AP1G1: variants seen among roughly 807,000 people sequenced by gnomAD.
AP1G1 encodes the protein adaptor related protein complex 1 subunit gamma 1.
AP1G1 carries 7 observed loss-of-function variants against 108.3 expected under a neutral mutation model. The ratio of observed to expected loss-of-function variants is 0.06; its 90% CI spans 0.04 to 0.12. The LOEUF is 0.12. Among genes scored for constraint, AP1G1 ranks in the 10% least tolerant of loss-of-function variants. AP1G1 has a pLI of 1.00. For missense variants in AP1G1, 756 were observed against 1,010.7 expected (o/e 0.75, Z 3.42); for synonymous variants, 379 against 353.5 (o/e 1.07, Z -0.81).
In AP1G1 at chr16:71,807,032, T is replaced by C. The variant is rs377461480; in HGVS notation, c.-4+1731A>G. On this transcript the variant is annotated intron_variant, in intron 1 of 22. Transcript: ENST00000299980. ...GACTGTGATCTCAAATAAGTTAATTTCTCTTTTGCAGATGTGAAAACCCAG... is the reference window on the plus strand; with the variant it reads ...GACTGTGATCTCAAATAAGTTAATTCCTCTTTTGCAGATGTGAAAACCCAG... 1.5e-4 allele frequency among the ~76,000 whole-genome samples: 23 copies of C among 152,324 alleles called. No individual in the cohort carries two copies. The East Asian group carries it at 1.7e-3, about 11-fold the overall frequency.
At chr16:71,769,573 A>G (rs777908126) in intron 6 of AP1G1, 50 bp downstream of exon 6, 1 of 1,512,768 alleles carries the variant, frequency 6.6e-7, no homozygotes, top group East Asian at 2.3e-5. Context: ...ACTTTTCAGG[A>G]AAATCATTTT....
chr16:71,808,797 G>C lies in AP1G1; in HGVS notation c.-38C>G. On this transcript the variant is annotated 5_prime_UTR_variant, in exon 1 of 23. Transcript: ENST00000299980. ...ACCTCGAATGAAACCAGCAGCTCCG[G>C]GGGCGGCGGCAGCAGTGGCAGCAGG... is the stretch of plus-strand genomic sequence containing the variant. 7.8e-7 allele frequency: 1 copy of C among 1,289,762 alleles called. No homozygotes were observed. Among genetic ancestry groups the C allele is most frequent in the African/African-American group, 1.5e-5 (1 of 66,002 alleles). 79.9% of individuals were successfully genotyped at this position (1,289,762 alleles called of 1,614,324 possible).
intron 2 of AP1G1, among the ~76,000 whole-genome samples, chr16:71,779,925 T>C (rs1382461328): frequency 6.6e-6 from 1 of 151,484 alleles, no homozygotes; most frequent in African/African-American, 2.4e-5. Flanking sequence ...TCGAGACAAG[T>C]CCAGGCAACC....
At chr16:71,788,511 T>G (rs964390049) in intron 2 of AP1G1, among the ~76,000 whole-genome samples, 2 of 152,122 alleles carry the variant, frequency 1.3e-5, no homozygotes, top group African/African-American at 4.8e-5. Flanking sequence ...TCTGCTCTAG[T>G]TACAGCAATC....
In AP1G1 at chr16:71,760,579, G is replaced by C. The variant is rs73582247; in HGVS notation, c.974+933C>G. ...AAAAAAAAAGAAACAGGGTCTCTCT[G>C]TGTCACCTAGACTGGAATGCAGTGG... On this transcript the variant is annotated intron_variant, in intron 10 of 22. Coordinates refer to ENST00000299980, the MANE Select transcript of AP1G1 (RefSeq NM_001128.6). Among the ~76,000 whole-genome samples the C allele has an allele frequency of 2.4e-3, 364 of 150,602 alleles. 2 individuals are homozygous for C. The highest frequency in any genetic ancestry group is 7.9e-3 in the African/African-American group (325 of 41,044).
intron 1 of AP1G1, chr16:71,807,989 A>C: frequency 8.2e-7 from 1 of 1,224,682 alleles, no homozygotes; most frequent in East Asian, 5.7e-5. Flanking sequence ...CTGCTTCATA[A>C]ACATAATCTG....
chr16:71,773,075 G>A (rs780991813), intron 4 of AP1G1, 146 bp downstream of exon 4: 1 of 867,772 alleles, frequency 1.2e-6, no homozygotes, highest in Non-Finnish European at 1.9e-6. Context: ...AGGAATTAAG[G>A]TTAATATATA....
intron 1 of AP1G1, chr16:71,808,223 CG>C (rs2033065388): frequency 9.2e-7 from 1 of 1,092,352 alleles, no homozygotes; most frequent in Non-Finnish European, 1.1e-6. Context: ...CACACACACA[CG>C]AAAAATTGGG....
Position 71,789,203 on chromosome 16 carries a change from C to A in AP1G1, c.201+76G>T, listed in dbSNP as rs1456658702. The A allele has an allele frequency of 2.2e-6, 3 of 1,386,672 alleles. No individual in the cohort carries two copies. In the South Asian group the frequency reaches 3.7e-5, roughly 17 times the overall value. 85.9% of individuals were successfully genotyped at this position (1,386,672 alleles called of 1,614,324 possible). ...CAAGGCTATCAAAAGTACCTCCCCA[C>A]CAGAAAAAGATGGACAATCCCTGAG... On this transcript the variant is annotated intron_variant, in intron 2 of 22. Transcript: ENST00000299980.
At chr16:71,735,180 A>G (rs2045517906) in intron 21 of AP1G1, among the ~76,000 whole-genome samples, 1 of 152,252 alleles carries the variant, frequency 6.6e-6, no homozygotes. Context: ...GATAACTGGG[A>G]TGCAGAGACT....
intron 19 of AP1G1, chr16:71,743,532 G>C (rs752708994): frequency 8.7e-5 from 13 of 150,168 alleles, no homozygotes; most frequent in Admixed American, 8.6e-4. Context: ...GAACGCAGGA[G>C]GCAGAGGTTG....
chr16:71,801,210 G>A (rs1001657014), intron 1 of AP1G1, among the ~76,000 whole-genome samples: 4 of 152,026 alleles, frequency 2.6e-5, no homozygotes, highest in African/African-American at 7.2e-5. Context: ...TGAAGTCTGA[G>A]GCAGGAGAAT....
chr16:71,761,236 A>G (rs1391894353), intron 10 of AP1G1, among the ~76,000 whole-genome samples: 1 of 152,230 alleles, frequency 6.6e-6, no homozygotes, highest in Non-Finnish European at 1.5e-5. Flanking sequence ...TAGTTACCAA[A>G]GACTCCATGG....
Position 71,762,947 on chromosome 16 carries a change from A to T in AP1G1, c.919-1380T>A, listed in dbSNP as rs571417601. ...CAGTCTTCTGGGACTGAGCCCTCAA[A>T]CTGTGGGATGTGACACCTTATCTCC... On this transcript the variant is annotated intron_variant, in intron 9 of 22. Coordinates refer to ENST00000299980, the MANE Select transcript of AP1G1 (RefSeq NM_001128.6). 2.0e-5 allele frequency among the ~76,000 whole-genome samples: 3 copies of T among 152,296 alleles called. No homozygotes were observed. In the East Asian group the frequency reaches 5.8e-4, roughly 29 times the overall value.
chr16:71,772,241 C>T (rs1433994992), intron 4 of AP1G1, among the ~76,000 whole-genome samples: 1 of 152,110 alleles, frequency 6.6e-6, no homozygotes, highest in Non-Finnish European at 1.5e-5. Flanking sequence ...CATCATTCTC[C>T]TGCCTCAGCC....
intron 1 of AP1G1, among the ~76,000 whole-genome samples, chr16:71,798,006 C>A (rs2032646575): frequency 6.6e-6 from 1 of 151,718 alleles, no homozygotes; most frequent in African/African-American, 2.4e-5. Flanking sequence ...ACAATAGTGT[C>A]AAAATAAAAT....
chr16:71,772,588 G>A (rs564228315), intron 4 of AP1G1, among the ~76,000 whole-genome samples: 2 of 152,212 alleles, frequency 1.3e-5, no homozygotes, highest in East Asian at 3.9e-4. Context: ...ATATCATCCT[G>A]GGAAATGGCT....
chr16:71,754,262 G>GA (rs1237474173), intron 12 of AP1G1, among the ~76,000 whole-genome samples: 1 of 143,832 alleles, frequency 7.0e-6, no homozygotes, highest in Non-Finnish European at 1.5e-5. Context: ...AGAAAGAAAA[G>GA]AAAGAAGGAA....
Position 71,778,704 on chromosome 16 carries a change from GA to G in AP1G1, c.202-4113del, listed in dbSNP as rs763390727. ...TCTTAAAAAAAAAAAAAGAAAGAAA[GA>G]AAAAAAAAAAGAATGTTATCAAAGT... On this transcript the variant is annotated intron_variant, in intron 2 of 22. Coordinates refer to ENST00000299980, the MANE Select transcript of AP1G1 (RefSeq NM_001128.6). 1.6e-3 allele frequency among the ~76,000 whole-genome samples: 204 copies of G among 130,108 alleles called. 1 individual carries two copies. Among genetic ancestry groups the G allele is most frequent in the East Asian group, 0.011 (49 of 4,494 alleles). 85.4% of individuals were successfully genotyped at this position (130,108 alleles called of 152,430 possible). A position where few individuals can be genotyped will look rare whatever the true frequency, so the allele number is the denominator to read the frequency against.
Sources: allele counts gnomAD v4.1 joint callset (sites outside exome capture counted in the v4.1 genomes callset), GRCh38; gene constraint gnomAD v4.1.1; transcripts MANE v1.5; gene names NCBI Gene and HGNC (gene_info 2026-07-23, HGNC 2026-07-21).